Variants in SLC4A1AP observed in about 807,000 individuals in gnomAD.
The protein encoded by SLC4A1AP is kanadaptin.
SLC4A1AP carries 64 observed loss-of-function variants against 89.7 expected under a neutral mutation model. That is an observed-to-expected ratio of 0.71 (90% CI 0.58 to 0.88). SLC4A1AP has a LOEUF of 0.88. SLC4A1AP is among the 40% of genes least tolerant of loss of function. SLC4A1AP has a pLI of 0.00. For missense variants in SLC4A1AP, 931 were observed against 965.0 expected, an observed-to-expected ratio of 0.96 and a Z score of 0.47; for synonymous variants, 366 against 353.3, an observed-to-expected ratio of 1.04 and a Z score of -0.40.
chr2:27,677,266 T>C, intron 6 of SLC4A1AP, 29 bp from the exon 7 acceptor site: 1 of 1,474,866 alleles, frequency 6.8e-7, no homozygotes, highest in South Asian at 1.2e-5. Context: ...AAGAAAAACT[T>C]TGTAACCCTG....
At chr2:27,665,698 T>C (rs1675306709) in intron 2 of SLC4A1AP, among the ~76,000 whole-genome samples, 1 of 152,238 alleles carries the variant, frequency 6.6e-6, no homozygotes, top group South Asian at 2.1e-4. Context: ...GAATTTTTTG[T>C]ACTTTGTGAA....
chr2:27,677,165 T>C, intron 6 of SLC4A1AP, 130 bp from the exon 7 acceptor site: 2 of 712,700 alleles, frequency 2.8e-6, no homozygotes, highest in Non-Finnish European at 5.0e-6. Flanking sequence ...GTTAACTCCA[T>C]AAGTAGCAGT....
chr2:27,687,334 A>G (rs901894374), intron 10 of SLC4A1AP, among the ~76,000 whole-genome samples: 18 of 152,086 alleles, frequency 1.2e-4, no homozygotes, highest in African/African-American at 4.3e-4. Context: ...TGTAATCCCA[A>G]CATTTTGGGA....
At chr2:27,671,385 C>T (rs6737034) in intron 5 of SLC4A1AP, among the ~76,000 whole-genome samples, 435 of 152,100 alleles carry the variant, frequency 2.9e-3, no homozygotes, top group African/African-American at 0.01. Context: ...TTTGTTTTTC[C>T]TAAGGGTAAT....
intron 2 of SLC4A1AP, among the ~76,000 whole-genome samples, chr2:27,666,579 G>C (rs904377035): frequency 1.6e-4 from 25 of 152,202 alleles, no homozygotes; most frequent in South Asian, 4.1e-4. Flanking sequence ...GCAGATATAA[G>C]AAGTATTAGG....
chr2:27,687,983 C>T lies in SLC4A1AP; in HGVS notation c.2166C>T (p.Asp722=), dbSNP rs771623967. The T allele has an allele frequency of 2.5e-6, 4 of 1,613,802 alleles. No individual in the cohort carries two copies. In the Admixed American group the frequency reaches 6.7e-5, roughly 27 times the overall value. Residue 722 remains aspartate (D), a synonymous_variant, in exon 11 of 14, where the codon GAC becomes GAT. Coordinates refer to ENST00000613058, the Ensembl canonical transcript of SLC4A1AP. ...AAGAACAGAATAAAGATTATCAAGA[C>T]TGTAGCAAAACCACTTCATTGTGCG...
At chr2:27,689,182 A>C (rs1184467137) in intron 12 of SLC4A1AP, among the ~76,000 whole-genome samples, 1 of 152,130 alleles carries the variant, frequency 6.6e-6, no homozygotes, top group Non-Finnish European at 1.5e-5. Flanking sequence ...AGAGTTTCTC[A>C]CCATATGGAG....
At chr2:27,685,556 C>T (rs918497591) in intron 10 of SLC4A1AP, among the ~76,000 whole-genome samples, 1 of 152,222 alleles carries the variant, frequency 6.6e-6, no homozygotes, top group Non-Finnish European at 1.5e-5. Context: ...TGGAATAATC[C>T]TGAGCTGCTG....
At chr2:27,678,170 G>T (rs1297915310) in intron 8 of SLC4A1AP, among the ~76,000 whole-genome samples, 3 of 151,998 alleles carry the variant, frequency 2.0e-5, no homozygotes, top group African/African-American at 4.8e-5. Flanking sequence ...AGGTTCCGAA[G>T]TTTTTTTTAC....
intron 11 of SLC4A1AP, 136 bp downstream of exon 11, chr2:27,688,156 A>G (rs1179408408): frequency 1.5e-6 from 1 of 651,170 alleles, no homozygotes; most frequent in Non-Finnish European, 2.6e-6. Flanking sequence ...GCCCCTGGAC[A>G]AAGTTGGAAC....
intron 9 of SLC4A1AP, 97 bp downstream of exon 9, chr2:27,682,456 A>T: frequency 1.5e-6 from 1 of 689,604 alleles, no homozygotes; most frequent in Non-Finnish European, 2.5e-6. Flanking sequence ...GACTCATTCC[A>T]TAGTAATGTG....
chr2:27,668,788 C>T (rs1481771975), intron 3 of SLC4A1AP, 55 bp from the exon 4 acceptor site: 1 of 1,454,326 alleles, frequency 6.9e-7, no homozygotes, highest in African/African-American at 1.4e-5. Flanking sequence ...ATCATTGTAT[C>T]AACTAGTAAT....
At chr2:27,665,277 G>C in exon 2 of SLC4A1AP, 1 of 1,606,750 alleles carries the variant, frequency 6.2e-7, no homozygotes, top group Non-Finnish European at 8.5e-7. Flanking sequence ...TGATGAGATG[G>C]GTTGCACCTG....
intron 4 of SLC4A1AP, 131 bp from the exon 5 acceptor site, chr2:27,669,117 A>G: frequency 9.1e-7 from 1 of 1,103,610 alleles, no homozygotes; most frequent in Non-Finnish European, 1.3e-6. Context: ...AACATTGGAA[A>G]GATAGAACAA....
exon 5 of SLC4A1AP, chr2:27,669,261 G>A (rs747217284): frequency 7.4e-6 from 12 of 1,610,960 alleles, no homozygotes; most frequent in Middle Eastern, 3.3e-4. Context: ...ACCTGTGGAC[G>A]ATTCAACTGG....
Position 27,682,335 on chromosome 2 carries a change from C to G in SLC4A1AP, c.1851C>G (p.Phe617Leu), listed in dbSNP as rs749351114. Residue 617 changes from phenylalanine (F) to leucine (L), a missense_variant, in exon 9 of 14, where the codon TTC becomes TTG. Physicochemically the swap from Phe to Leu is conservative, Grantham distance 22 (BLOSUM62 0). Transcript: ENST00000613058. ...GTGCCATGAAAGGAGGAAGCAAATT[C>G]AAATTAAAAACTGGAACAGTAGGGG... is the stretch of plus-strand genomic sequence containing the variant. The G allele has an allele frequency of 3.1e-6, 5 of 1,612,932 alleles. No individual in the cohort carries two copies. Among genetic ancestry groups the G allele is most frequent in the Non-Finnish European group, 4.2e-6 (5 of 1,179,168 alleles).
At chr2:27,690,042 C>T (rs1675764909) in intron 12 of SLC4A1AP, among the ~76,000 whole-genome samples, 1 of 152,102 alleles carries the variant, frequency 6.6e-6, no homozygotes, top group South Asian at 2.1e-4. Context: ...AGAATATTCC[C>T]CCAAGTAGGT....
chr2:27,677,173 A>G, intron 6 of SLC4A1AP, 122 bp from the exon 7 acceptor site: 1 of 726,792 alleles, frequency 1.4e-6, no homozygotes, highest in African/African-American at 1.8e-5. Context: ...CATAAGTAGC[A>G]GTTTAACTGG....
intron 12 of SLC4A1AP, among the ~76,000 whole-genome samples, chr2:27,689,771 G>A (rs545508077): frequency 1.3e-5 from 2 of 152,328 alleles, no homozygotes; most frequent in East Asian, 3.9e-4. Flanking sequence ...TAGGGTAGCA[G>A]AAACCTTCCC....
Sources: allele counts gnomAD v4.1 joint callset (sites outside exome capture counted in the v4.1 genomes callset), GRCh38; gene constraint gnomAD v4.1.1; transcripts MANE v1.5; gene names NCBI Gene and HGNC (gene_info 2026-07-23, HGNC 2026-07-21).